ROBO4: variants seen among roughly 807,000 people sequenced by gnomAD.
ROBO4 encodes the protein roundabout guidance receptor 4.
A neutral mutation model predicts 103.3 loss-of-function variants in ROBO4; 80 were observed. The observed-to-expected ratio is 0.77, with a 90% CI of 0.65 to 0.93. ROBO4 has a LOEUF of 0.93. Ranked by LOEUF, ROBO4 falls within the 40% of genes least tolerant of loss-of-function variation. The pLI is 0.00. For synonymous variants in ROBO4, 504 were observed against 529.7 expected (o/e 0.95, Z 0.67); for missense variants, 1,333 against 1,305.3 (o/e 1.02, Z -0.33).
chr11:124,896,669 G>C lies in ROBO4; in HGVS notation c.402C>G (p.Val134=). ...VSRGARLSVA[V]LREDFQIQPR... ...GCTGGATCTGGAAATCCTCCCGGAG[G>C]ACTGTGGGGAGGATGGAAGGTGACA... Residue 134 remains valine (V), a splice_region_variant and synonymous_variant, in exon 3 of 18, where the codon GTC becomes GTG. Coordinates refer to ENST00000306534, the MANE Select transcript of ROBO4 (RefSeq NM_019055.6). 2 of 1,613,862 alleles carry C rather than the reference G, an allele frequency of 1.2e-6. No homozygotes were observed. The highest frequency in any genetic ancestry group is 1.7e-6 in the Non-Finnish European group (2 of 1,179,874).
In ROBO4 at chr11:124,884,875, G is replaced by A; in HGVS notation, c.*16C>T. 1 of 1,614,196 alleles carries A rather than the reference G, an allele frequency of 6.2e-7. No individual in the cohort carries two copies. The highest frequency in any genetic ancestry group is 8.5e-7 in the Non-Finnish European group (1 of 1,179,990). ...AGTGGTTCTGATTCCCGTCTGGGAAGTCTCAGGGACACGGTTCAGGAGTAA... is the reference window on the plus strand; with the variant it reads ...AGTGGTTCTGATTCCCGTCTGGGAAATCTCAGGGACACGGTTCAGGAGTAA... On this transcript the variant is annotated 3_prime_UTR_variant, in exon 18 of 18. Coordinates refer to ENST00000306534, the MANE Select transcript of ROBO4 (RefSeq NM_019055.6).
At position 124,886,805 on chromosome 11, in the gene ROBO4, A is replaced by T; in HGVS notation, c.2453T>A (p.Met818Lys). 6.5e-7 allele frequency: 1 copy of T among 1,536,944 alleles called. No homozygotes were observed. The highest frequency in any genetic ancestry group is 8.8e-7 in the Non-Finnish European group (1 of 1,140,040). The change falls in exon 16 of 18, where the codon ATG becomes AAG. Residue 818 changes from methionine to lysine, a missense_variant. Met to Lys is a moderately conservative substitution (Grantham distance 95, BLOSUM62 -1). Coordinates refer to ENST00000306534, the MANE Select transcript of ROBO4 (RefSeq NM_019055.6). ...EETPRNSVSP[M>K]PRAPSPPTTY... is the part of the protein sequence containing the mutation. Reference sequence around the variant, plus strand: ...GGTGGGGGGTGAAGGAGCCCTTGGCATGGGAGAGACGCTGTTCCTAGGGAG... The same window carrying T: ...GGTGGGGGGTGAAGGAGCCCTTGGCTTGGGAGAGACGCTGTTCCTAGGGAG...
Position 124,897,040 on chromosome 11 carries a change from G to A in ROBO4, c.292C>T (p.His98Tyr), listed in dbSNP as rs1405312723. Reference sequence around the variant, plus strand: ...GACAGGGCCTGGCCATCGTGGGCATGTCCCCGGGCAGGGGGCTGTAGCAGC... The same window carrying A: ...GACAGGGCCTGGCCATCGTGGGCATATCCCCGGGCAGGGGGCTGTAGCAGC... ...LLLLQPPARG[H>Y]AHDGQALSTD... The change falls in exon 2 of 18, where the codon CAT (histidine) becomes TAT (tyrosine). Residue 98 changes from histidine (H) to tyrosine (Y), a missense_variant. By Grantham distance (83) the His-to-Tyr change is moderately conservative. Transcript: ENST00000306534. The A allele has an allele frequency of 1.9e-6, 3 of 1,614,004 alleles. No homozygotes were observed. The highest frequency in any genetic ancestry group is 8.5e-7 in the Non-Finnish European group (1 of 1,179,964).
At chr11:124,892,294 A>G (rs567978762) in intron 10 of ROBO4, 3 of 335,814 alleles carry the variant, frequency 8.9e-6, no homozygotes, top group East Asian at 7.7e-5. Flanking sequence ...AGCTTGCTCC[A>G]TGGATATTGG....
At chr11:124,897,344 G>A (rs577052951) in intron 1 of ROBO4, 83 bp from the exon 2 acceptor site, 2 of 1,083,248 alleles carry the variant, frequency 1.8e-6, no homozygotes, top group Admixed American at 6.2e-5. Context: ...GTCTTCTCTT[G>A]TGTGCGAGTT....
intron 12 of ROBO4, among the ~76,000 whole-genome samples, chr11:124,890,157 T>C (rs1251020854): frequency 6.6e-6 from 1 of 152,250 alleles, no homozygotes; most frequent in Non-Finnish European, 1.5e-5. Context: ...ACCTTTTTTT[T>C]AGCTGGTGTT....
At chr11:124,896,737 GC>G (rs1284969616) in intron 2 of ROBO4, 67 bp from the exon 3 acceptor site, 17 of 1,550,162 alleles carry the variant, frequency 1.1e-5, no homozygotes, top group Non-Finnish European at 1.4e-5. Context: ...TATCACTCTT[GC>G]CCCCTTCTGC....
At position 124,887,376 on chromosome 11, in the gene ROBO4, G is replaced by T. The variant is rs1254134873; in HGVS notation, c.2180C>A (p.Thr727Asn). 1.2e-6 allele frequency: 2 copies of T among 1,614,032 alleles called. No homozygotes were observed. Among genetic ancestry groups the T allele is most frequent in the Non-Finnish European group, 1.7e-6 (2 of 1,179,954 alleles). ...APLFPHETPP[T>N]QSQQTQPPVA... ...CTCTTACTGGGTCTGTTGACTCTGA[G>T]TTGGGGGAGTTTCATGAGGAAAGAG... Residue 727 changes from threonine to asparagine, a missense_variant, in exon 14 of 18, where the codon ACT (threonine) becomes AAT (asparagine). Coordinates refer to ENST00000306534, the MANE Select transcript of ROBO4 (RefSeq NM_019055.6).
chr11:124,887,558 G>T, intron 13 of ROBO4, 59 bp from the exon 14 acceptor site: 1 of 1,600,200 alleles, frequency 6.2e-7, no homozygotes, highest in Admixed American at 1.7e-5. Context: ...CTGGAGCTCA[G>T]CCTGCCGGCC....
rs1591531204 is a variant in ROBO4, at chr11:124,887,966, C to T, written c.1949-126G>A. The T allele has an allele frequency of 7.2e-6, 5 of 690,810 alleles. No homozygotes were observed. In the East Asian group the frequency reaches 1.4e-4, roughly 19 times the overall value. 42.8% of individuals were successfully genotyped at this position (690,810 alleles called of 1,614,324 possible). ...CTGAACCCAGAGAAAAGAGGGGGAA[C>T]CCCCTGAATCCCCTCCACACCCCCA... On this transcript the variant is annotated intron_variant, in intron 12 of 17. Coordinates refer to ENST00000306534, the MANE Select transcript of ROBO4 (RefSeq NM_019055.6).
At position 124,896,640 on chromosome 11, in the gene ROBO4, C is replaced by T. The variant is rs151234078; in HGVS notation, c.431G>A (p.Arg144Gln). The change falls in exon 3 of 18, where the codon CGG becomes CAG. Residue 144 changes from arginine to glutamine, a missense_variant. Physicochemically the swap from Arg to Gln is conservative, Grantham distance 43. Coordinates refer to ENST00000306534, the MANE Select transcript of ROBO4 (RefSeq NM_019055.6). ...VLREDFQIQP[R>Q]DMVAVVGEQF... is the part of the protein sequence containing the mutation. Reference sequence around the variant, plus strand: ...CTCACCCACCACAGCCACCATGTCCCGAGGCTGGATCTGGAAATCCTCCCG... The same window carrying T: ...CTCACCCACCACAGCCACCATGTCCTGAGGCTGGATCTGGAAATCCTCCCG... The T allele has an allele frequency of 1.1e-5, 17 of 1,614,004 alleles. No homozygotes were observed. Among genetic ancestry groups the T allele is most frequent in the African/African-American group, 4.0e-5 (3 of 74,912 alleles).
rs780356474 is a variant in ROBO4, at chr11:124,886,603, G to C, written c.2655C>G (p.Ala885=). ...TGACAAGGCTGGCTCTGGCGCTGGC[G>C]GCATTGTCCTCAGAGGCTGAGCCCC... ...NGWGSASEDN[A]ASARASLVSS... The change falls in exon 16 of 18, where the codon GCC becomes GCG. Residue 885 remains alanine, a synonymous_variant. Coordinates refer to ENST00000306534, the MANE Select transcript of ROBO4 (RefSeq NM_019055.6). 2.5e-6 allele frequency: 4 copies of C among 1,614,198 alleles called. No individual in the cohort carries two copies. Among genetic ancestry groups the C allele is most frequent in the South Asian group, 1.1e-5 (1 of 91,080 alleles).
At position 124,885,205 on chromosome 11, in the gene ROBO4, G is replaced by T. The variant is rs201773348; in HGVS notation, c.2837C>A (p.Thr946Asn). 4 of 1,613,536 alleles carry T rather than the reference G, an allele frequency of 2.5e-6. No individual in the cohort carries two copies. In the Admixed American group the frequency reaches 5.0e-5, roughly 20 times the overall value. ...PPSPRDEIFLTPNLSLPLWEW... is the reference protein window; with the variant it reads ...PPSPRDEIFLNPNLSLPLWEW... ...CCACAGGGGCAGGGAGAGGTTGGGGGTCAGGAAGATCTCATCCCGTGGGGA... is the reference window on the plus strand; with the variant it reads ...CCACAGGGGCAGGGAGAGGTTGGGGTTCAGGAAGATCTCATCCCGTGGGGA... The change falls in exon 17 of 18, where the codon ACC (threonine) becomes AAC (asparagine). Residue 946 changes from threonine (T) to asparagine (N), a missense_variant. Transcript: ENST00000306534.
In ROBO4 at chr11:124,897,712, G is replaced by C; in HGVS notation, c.70+14C>G. The C allele has an allele frequency of 1.9e-6, 3 of 1,613,354 alleles. No homozygotes were observed. Among genetic ancestry groups the C allele is most frequent in the Non-Finnish European group, 1.7e-6 (2 of 1,179,330 alleles). Reference sequence around the variant, plus strand: ...GATGGAGGAGCATGGGCCAGGAGAGGGAGAGCAACTCACCCATGATGAGCA... The same window carrying C: ...GATGGAGGAGCATGGGCCAGGAGAGCGAGAGCAACTCACCCATGATGAGCA... On this transcript the variant is annotated intron_variant, in intron 1 of 17. Transcript: ENST00000306534.
Position 124,895,839 on chromosome 11 carries a change from G to C in ROBO4, c.753C>G (p.Asn251Lys), listed in dbSNP as rs777909797. The C allele has an allele frequency of 2.5e-6, 4 of 1,614,142 alleles. No homozygotes were observed. Among genetic ancestry groups the C allele is most frequent in the East Asian group, 2.2e-5 (1 of 44,872 alleles). ...RIQLENVTLLNPDPAEGPKPR... is the reference protein window; with the variant it reads ...RIQLENVTLLKPDPAEGPKPR... ...GCTTGGGGCCCTCTGCAGGATCCGGGTTCAGCAGTGTCACATTTTCCAGCT... is the reference window on the plus strand; with the variant it reads ...GCTTGGGGCCCTCTGCAGGATCCGGCTTCAGCAGTGTCACATTTTCCAGCT... The change falls in exon 5 of 18, where the codon AAC becomes AAG. Residue 251 changes from asparagine to lysine, a missense_variant. Coordinates refer to ENST00000306534, the MANE Select transcript of ROBO4 (RefSeq NM_019055.6).
intron 1 of ROBO4, chr11:124,897,469 C>T (rs942727336): frequency 4.9e-5 from 25 of 506,214 alleles, no homozygotes; most frequent in South Asian, 1.3e-4. Context: ...ATAGCATGTT[C>T]GCTCTCTCTC....
At chr11:124,890,145 C>A (rs1468046484) in intron 12 of ROBO4, among the ~76,000 whole-genome samples, 1 of 152,176 alleles carries the variant, frequency 6.6e-6, no homozygotes. Flanking sequence ...TGAGACTATT[C>A]CACCTTTTTT....
chr11:124,891,620 G>T (rs780295362), intron 11 of ROBO4, 46 bp downstream of exon 11: 1 of 1,614,190 alleles, frequency 6.2e-7, no homozygotes, highest in South Asian at 1.1e-5. Flanking sequence ...CCATCCCTGA[G>T]ATCACTGCCC....
chr11:124,890,809 G>A (rs990509767), intron 12 of ROBO4, among the ~76,000 whole-genome samples: 7 of 152,292 alleles, frequency 4.6e-5, no homozygotes, highest in Admixed American at 3.3e-4. Flanking sequence ...GTTGGGAGTC[G>A]GTGCCCAAGC....
Sources: allele counts gnomAD v4.1 joint callset (sites outside exome capture counted in the v4.1 genomes callset), GRCh38; gene constraint gnomAD v4.1.1; transcripts MANE v1.5; gene names NCBI Gene and HGNC (gene_info 2026-07-23, HGNC 2026-07-21).